The following NEDD1 variants were observed in gnomAD, a reference collection of about 807,000 sequenced individuals.
NEDD1 encodes protein NEDD1.
In NEDD1, 33 loss-of-function variants were observed where a neutral mutation model predicts 74.0. The observed-to-expected ratio is 0.45, with a 90% CI of 0.34 to 0.60. The LOEUF (loss-of-function observed/expected upper bound fraction) is 0.60, where lower values mean the gene tolerates loss of function less well. Among genes scored for constraint, NEDD1 ranks in the 20% least tolerant of loss-of-function variants. NEDD1 has a pLI of 0.01. For synonymous variants in NEDD1, 250 were observed against 264.4 expected, an observed-to-expected ratio of 0.95 and a Z score of 0.53; for missense variants, 746 against 776.5, an observed-to-expected ratio of 0.96 and a Z score of 0.47.
At position 96,917,764 on chromosome 12, in the gene NEDD1, G is replaced by A. The variant is rs747244641; in HGVS notation, c.348+27G>A. On this transcript the variant is annotated intron_variant, in intron 5 of 15. Transcript: ENST00000266742. Reference sequence around the variant, plus strand: ...TAAGCAATTTAAAAAAAATCTTCATGAAAAAATGGATATCTTAATGCATTT... The same window carrying A: ...TAAGCAATTTAAAAAAAATCTTCATAAAAAAATGGATATCTTAATGCATTT... 58 of 1,533,954 alleles carry A rather than the reference G, an allele frequency of 3.8e-5. 1 individual carries two copies. Among genetic ancestry groups the A allele is most frequent in the Middle Eastern group, 3.8e-4 (2 of 5,214 alleles).
intron 6 of NEDD1, among the ~76,000 whole-genome samples, chr12:96,932,999 CT>C (rs759478137): frequency 6.3e-3 from 846 of 135,106 alleles, no homozygotes; most frequent in Middle Eastern, 0.012. Flanking sequence ...TATCTTTAGC[CT>C]TTTTTTTTTT....
At position 96,936,662 on chromosome 12, in the gene NEDD1, G is replaced by T. The variant is rs1877128639; in HGVS notation, c.771G>T (p.Met257Ile). Residue 257 changes from methionine (M) to isoleucine (I), a missense_variant, in exon 8 of 16, where the codon ATG becomes ATT. Met to Ile is a conservative substitution (Grantham distance 10, BLOSUM62 1). Coordinates refer to ENST00000266742, the MANE Select transcript of NEDD1 (RefSeq NM_152905.4). ...ADTPLTAVDF[M>I]PDGATLAIGS... The stretch of plus-strand genomic sequence containing the variant: ...CTCCTCTAACTGCGGTAGATTTCAT[G>T]CCTGATGGAGCCACTTTGGCTATTG... 6.2e-7 allele frequency: 1 copy of T among 1,613,804 alleles called. No individual in the cohort carries two copies. Among genetic ancestry groups the T allele is most frequent in the Non-Finnish European group, 8.5e-7 (1 of 1,179,784 alleles).
chr12:96,931,204 G>A (rs1360946182), intron 6 of NEDD1, among the ~76,000 whole-genome samples: 1 of 152,138 alleles, frequency 6.6e-6, no homozygotes, highest in Non-Finnish European at 1.5e-5. Context: ...GCTTTATAGT[G>A]CCTAGTAAGA....
chr12:96,917,339 A>G (rs1874573613), intron 4 of NEDD1, among the ~76,000 whole-genome samples: 1 of 152,162 alleles, frequency 6.6e-6, no homozygotes, highest in Admixed American at 6.5e-5. Context: ...ATGGGAGACC[A>G]GGACTGCCAG....
At chr12:96,939,792 T>G (rs181105493) in intron 9 of NEDD1, among the ~76,000 whole-genome samples, 333 of 152,140 alleles carry the variant, frequency 2.2e-3, no homozygotes, top group Non-Finnish European at 3.4e-3. Flanking sequence ...ACCTTACTAT[T>G]CTTTATGAGT....
chr12:96,909,647 A>T lies in NEDD1; in HGVS notation c.-8-105A>T, dbSNP rs148294738. ...TTGGTGACTGCACTGTTTGGAACAA[A>T]AATGAATGAGTTAGAGCCACTTGTT... On this transcript the variant is annotated intron_variant, in intron 2 of 15. Coordinates refer to ENST00000266742, the MANE Select transcript of NEDD1 (RefSeq NM_152905.4). 1.1e-4 allele frequency: 100 copies of T among 888,014 alleles called. 1 individual carries two copies. The African/African-American group carries it at 1.4e-3, about 12-fold the overall frequency. 55.0% of individuals were successfully genotyped at this position (888,014 alleles called of 1,614,324 possible).
intron 6 of NEDD1, among the ~76,000 whole-genome samples, chr12:96,932,263 T>TA (rs1419322057): frequency 4.0e-5 from 6 of 149,024 alleles, no homozygotes; most frequent in Non-Finnish European, 8.9e-5. Context: ...AGATAGGGAG[T>TA]TAATGACTTA....
chr12:96,935,245 A>G (rs750416970), intron 7 of NEDD1, 40 bp downstream of exon 7: 1 of 1,168,312 alleles, frequency 8.6e-7, no homozygotes, highest in Non-Finnish European at 1.3e-6. Flanking sequence ...AGTAACAAAT[A>G]GCTATTATTC....
intron 6 of NEDD1, among the ~76,000 whole-genome samples, chr12:96,921,826 G>A (rs1046761597): frequency 6.7e-6 from 1 of 150,108 alleles, no homozygotes; most frequent in Non-Finnish European, 1.5e-5. Context: ...ATGTTGTCCA[G>A]GCAGGTCTTT....
At position 96,943,488 on chromosome 12, in the gene NEDD1, A is replaced by G. The variant is rs142104628; in HGVS notation, c.1295-72A>G. The G allele has an allele frequency of 1.7e-4, 165 of 957,748 alleles. No homozygotes were observed. In the African/African-American group the frequency reaches 2.5e-3, roughly 14 times the overall value. The allele number at this position is 957,748 out of a possible 1,614,324, so 59.3% of individuals were successfully genotyped here. A position where few individuals can be genotyped will look rare whatever the true frequency, so the allele number is the denominator to read the frequency against. ...CTTCTTCCATGTTAATCTGCCTATCATGTTAAATGCTTTTCTTCAATGTCC... is the reference window on the plus strand; with the variant it reads ...CTTCTTCCATGTTAATCTGCCTATCGTGTTAAATGCTTTTCTTCAATGTCC... On this transcript the variant is annotated intron_variant, in intron 11 of 15. Transcript: ENST00000266742.
intron 6 of NEDD1, among the ~76,000 whole-genome samples, chr12:96,934,292 G>A (rs1876855743): frequency 6.6e-6 from 1 of 151,032 alleles, no homozygotes; most frequent in Non-Finnish European, 1.5e-5. Flanking sequence ...TTCTAACCCT[G>A]ATGAATTAAT....
chr12:96,936,153 A>C (rs926594083), intron 7 of NEDD1, among the ~76,000 whole-genome samples: 3 of 152,154 alleles, frequency 2.0e-5, no homozygotes, highest in Non-Finnish European at 2.9e-5. Flanking sequence ...TTTGGCCAAG[A>C]CTGTACAACT....
At position 96,932,744 on chromosome 12, in the gene NEDD1, G is replaced by A. The variant is rs759623268; in HGVS notation, c.490-2232G>A. Among the ~76,000 whole-genome samples, 68 of 151,310 alleles carry A rather than the reference G, an allele frequency of 4.5e-4. 2 individuals carry two copies. Among genetic ancestry groups the A allele is most frequent in the Admixed American group, 1.1e-3 (17 of 15,152 alleles). Reference sequence around the variant, plus strand: ...TATGTAAAAGATGGTTGAATGGTGGGTACATAAGCAATGATGAGCAAGTAA... The same window carrying A: ...TATGTAAAAGATGGTTGAATGGTGGATACATAAGCAATGATGAGCAAGTAA... On this transcript the variant is annotated intron_variant, in intron 6 of 15. Transcript: ENST00000266742.
chr12:96,927,154 C>A (rs1875799659), intron 6 of NEDD1, among the ~76,000 whole-genome samples: 1 of 152,068 alleles, frequency 6.6e-6, no homozygotes, highest in Non-Finnish European at 1.5e-5. Context: ...TAGGGCACAT[C>A]CATGATTAAA....
intron 3 of NEDD1, 89 bp downstream of exon 3, chr12:96,909,984 C>G: frequency 7.2e-7 from 1 of 1,397,500 alleles, no homozygotes; most frequent in Non-Finnish European, 9.7e-7. Context: ...TTTGCATGTG[C>G]CTCATACTGA....
At chr12:96,947,301 A>T (rs1878291966) in intron 14 of NEDD1, among the ~76,000 whole-genome samples, 1 of 152,186 alleles carries the variant, frequency 6.6e-6, no homozygotes, top group South Asian at 2.1e-4. Flanking sequence ...GAGCAAAGTG[A>T]TGTTGAAATC....
chr12:96,911,579 T>C (rs1226324650), intron 3 of NEDD1, among the ~76,000 whole-genome samples: 1 of 152,204 alleles, frequency 6.6e-6, no homozygotes, highest in Non-Finnish European at 1.5e-5. Context: ...TAGTTTTTTG[T>C]TTCTTGTCCT....
chr12:96,909,704 G>T (rs569888180), intron 2 of NEDD1, 48 bp from the exon 3 acceptor site: 6 of 1,484,616 alleles, frequency 4.0e-6, no homozygotes, highest in Admixed American at 1.9e-5. Flanking sequence ...TTTTGAGTAT[G>T]TCTATTCTTA....
chr12:96,930,911 C>T (rs1876395697), intron 6 of NEDD1, among the ~76,000 whole-genome samples: 1 of 152,200 alleles, frequency 6.6e-6, no homozygotes. Context: ...AGTAACTTCT[C>T]AGAGACCTCC....
Sources: gnomAD v4.1 joint callset for allele counts (sites outside exome capture counted in the v4.1 genomes callset) on GRCh38, gnomAD v4.1.1 for gene constraint, MANE v1.5 for transcripts, NCBI Gene and HGNC (gene_info 2026-07-23, HGNC 2026-07-21) for gene names.